Variants in SLC16A7 observed in about 807,000 individuals in gnomAD.
SLC16A7 encodes the protein solute carrier family 16 member 7.
Under a neutral mutation model 34.9 loss-of-function variants are expected in SLC16A7, and 33 were observed. That is an observed-to-expected ratio of 0.94 (90% CI 0.72 to 1.26). SLC16A7 has a LOEUF of 1.26. SLC16A7 is among the 50% of genes most tolerant of loss of function. The probability of loss-of-function intolerance (pLI) is 0.00; values close to 1 mark genes in which losing one functional copy is unlikely to be tolerated. For synonymous variants in SLC16A7, 201 were observed against 206.6 expected (o/e 0.97, Z 0.23); for missense variants, 573 against 578.1 (o/e 0.99, Z 0.09).
At chr12:59,739,613 C>T (rs1251122363) in intron 3 of SLC16A7, among the ~76,000 whole-genome samples, 4 of 149,784 alleles carry the variant, frequency 2.7e-5, no homozygotes, top group South Asian at 2.2e-4. Flanking sequence ...CCTGAGGAAT[C>T]GCCACACTGT....
chr12:59,688,409 G>A (rs994032736), intron 2 of SLC16A7, among the ~76,000 whole-genome samples: 29 of 152,152 alleles, frequency 1.9e-4, no homozygotes, highest in African/African-American at 6.7e-4. Flanking sequence ...AGAGTGAGAC[G>A]AATACTGCGG....
rs1356250482 is a variant in SLC16A7 at position 59,720,504 on chromosome 12, T to C, written c.217+15486T>C. Among the ~76,000 whole-genome samples, 4 of 152,114 alleles carry C rather than the reference T, an allele frequency of 2.6e-5. No homozygotes were observed. In the East Asian group the frequency reaches 7.7e-4, roughly 29 times the overall value. ...CTCCTTAAGTGTGTTATCCATCCCT[T>C]CTAAATTTTAGTGATTTTTCTACAA... On this transcript the variant is annotated intron_variant, in intron 3 of 5. Coordinates refer to ENST00000547379, the MANE Select transcript of SLC16A7 (RefSeq NM_001270623.2).
intron 1 of SLC16A7, among the ~76,000 whole-genome samples, chr12:59,602,659 A>G (rs1592378645): frequency 6.6e-6 from 1 of 151,120 alleles, no homozygotes; most frequent in Non-Finnish European, 1.5e-5. Flanking sequence ...AATTTTTTGT[A>G]TTTTTAGTAG....
chr12:59,668,854 G>A (rs1013891106), intron 2 of SLC16A7, among the ~76,000 whole-genome samples: 27 of 152,120 alleles, frequency 1.8e-4, no homozygotes, highest in African/African-American at 5.3e-4. Flanking sequence ...GAATCATAGC[G>A]GGTATTCTTG....
rs77855296 is a variant in SLC16A7, at chr12:59,773,267, G to A, written c.362-1390G>A. On this transcript the variant is annotated intron_variant, in intron 4 of 5. Transcript: ENST00000547379. ...CTCACAGGTATGGCTGAGGTATAGCGTTAGAGAACATGCTGTCCTGTTACT... is the reference window on the plus strand; with the variant it reads ...CTCACAGGTATGGCTGAGGTATAGCATTAGAGAACATGCTGTCCTGTTACT... 1.3e-3 allele frequency among the ~76,000 whole-genome samples: 196 copies of A among 152,186 alleles called. 2 individuals carry two copies. The highest frequency in any genetic ancestry group is 2.1e-3 in the Admixed American group (32 of 15,260).
At chr12:59,726,488 T>C (rs992965400) in intron 3 of SLC16A7, among the ~76,000 whole-genome samples, 4 of 152,128 alleles carry the variant, frequency 2.6e-5, no homozygotes, top group Admixed American at 2.0e-4. Context: ...TCAGGTACTA[T>C]GACAGACAGC....
rs577006065 is a variant in SLC16A7 at position 59,784,384 on chromosome 12, A to T, written c.*4705A>T. 6.6e-6 allele frequency: 1 copy of T among 152,256 alleles called. No individual in the cohort carries two copies. Among genetic ancestry groups the T allele is most frequent in the East Asian group, 1.9e-4 (1 of 5,180 alleles). The allele number at this position is 152,256 out of a possible 1,614,324, so 9.4% of individuals were successfully genotyped here. On this transcript the variant is annotated 3_prime_UTR_variant, in exon 6 of 6. Transcript: ENST00000547379. ...GAGAATCTGTCTCTATTAAAAAAAA[A>T]ATAAAATGTTCTTACTAGAAAACAT...
rs1249436061 is a variant in SLC16A7 at position 59,655,157 on chromosome 12, A to G, written c.-124A>G. The G allele has an allele frequency of 1.3e-5, 2 of 152,022 alleles. No individual in the cohort carries two copies. The highest frequency in any genetic ancestry group is 3.9e-4 in the East Asian group (2 of 5,164). The allele number at this position is 152,022 out of a possible 1,614,324, so 9.4% of individuals were successfully genotyped here. A position where few individuals can be genotyped will look rare whatever the true frequency, so the allele number is the denominator to read the frequency against. ...ATATTCTTTGATTCTTCTAGGAGTC[A>G]ATCTTAAGATGTGATACTTTCCTGT... On this transcript the variant is annotated 5_prime_UTR_variant, in exon 2 of 6. Transcript: ENST00000547379.
rs116035699 is a variant in SLC16A7, at chr12:59,741,562, A to G, written c.218-29657A>G. On this transcript the variant is annotated intron_variant, in intron 3 of 5. Coordinates refer to ENST00000547379, the MANE Select transcript of SLC16A7 (RefSeq NM_001270623.2). ...TTCAGAAGGAAATGAAAAGCAAGTTATCGTAGGGATAGCATGCTAATACAG... is the reference window on the plus strand; with the variant it reads ...TTCAGAAGGAAATGAAAAGCAAGTTGTCGTAGGGATAGCATGCTAATACAG... Among the ~76,000 whole-genome samples the G allele has an allele frequency of 3.2e-3, 490 of 152,270 alleles. 3 individuals are homozygous for G. Among genetic ancestry groups the G allele is most frequent in the African/African-American group, 0.011 (457 of 41,558 alleles).
chr12:59,785,175 A>C lies in SLC16A7; in HGVS notation c.*5496A>C, dbSNP rs1883522251. On this transcript the variant is annotated 3_prime_UTR_variant, in exon 6 of 6. Transcript: ENST00000547379. ...TCAAAATTACAAATTATCTTTGTTG[A>C]TACAATTAAAAATGAGTAATTTTCT... 1 of 152,172 alleles carries C rather than the reference A, an allele frequency of 6.6e-6. No homozygotes were observed. Among genetic ancestry groups the C allele is most frequent in the Admixed American group, 6.5e-5 (1 of 15,282 alleles). The allele number at this position is 152,172 out of a possible 1,614,324, so 9.4% of individuals were successfully genotyped here. A position where few individuals can be genotyped will look rare whatever the true frequency, so the allele number is the denominator to read the frequency against.
In SLC16A7 at chr12:59,788,079, C is replaced by A. The variant is rs1272569484; in HGVS notation, c.*8400C>A. The A allele has an allele frequency of 6.6e-6, 1 of 151,544 alleles. No individual in the cohort carries two copies. Among genetic ancestry groups the A allele is most frequent in the Non-Finnish European group, 1.5e-5 (1 of 67,990 alleles). 9.4% of individuals were successfully genotyped at this position (151,544 alleles called of 1,614,324 possible). A position where few individuals can be genotyped will look rare whatever the true frequency, so the allele number is the denominator to read the frequency against. On this transcript the variant is annotated 3_prime_UTR_variant, in exon 6 of 6. Coordinates refer to ENST00000547379, the MANE Select transcript of SLC16A7 (RefSeq NM_001270623.2). ...TTATTTCCTAGAATGAATAATTCTC[C>A]TTTTTTGATAGATTTTTGAAATTGT...
intron 2 of SLC16A7, among the ~76,000 whole-genome samples, chr12:59,683,700 G>T (rs746025039): frequency 6.6e-6 from 1 of 151,978 alleles, no homozygotes; most frequent in Non-Finnish European, 1.5e-5. Context: ...TAGAGAATTG[G>T]AACACACCTT....
At chr12:59,631,540 A>G (rs1047877743) in intron 1 of SLC16A7, among the ~76,000 whole-genome samples, 8 of 151,936 alleles carry the variant, frequency 5.3e-5, no homozygotes, top group Non-Finnish European at 1.2e-4. Flanking sequence ...GGTTTTGTAA[A>G]TTTTTATTTC....
chr12:59,763,447 G>T (rs1881227545), intron 3 of SLC16A7, among the ~76,000 whole-genome samples: 2 of 152,028 alleles, frequency 1.3e-5, no homozygotes, highest in South Asian at 4.1e-4. Flanking sequence ...TCAATATTGT[G>T]AAGAGCAGAA....
rs1882657397 is a variant in SLC16A7, at chr12:59,775,381, C to T, written c.1086C>T (p.Leu362=). 1 of 1,614,114 alleles carries T rather than the reference C, an allele frequency of 6.2e-7. No homozygotes were observed. The highest frequency in any genetic ancestry group is 8.5e-7 in the Non-Finnish European group (1 of 1,179,976). The change falls in exon 5 of 6, where the codon CTC becomes CTT. Residue 362 remains leucine (L), a synonymous_variant. Coordinates refer to ENST00000547379, the MANE Select transcript of SLC16A7 (RefSeq NM_001270623.2). ...TTAGCAGTGTTCTCTTTGAAACTCT[C>T]ATGGACCTCGTGGGTGCACCAAGAT... ...GSVSSVLFET[L]MDLVGAPRFS... is the part of the protein sequence containing the mutation.
intron 2 of SLC16A7, among the ~76,000 whole-genome samples, chr12:59,683,591 T>C (rs1870916645): frequency 6.6e-6 from 1 of 152,168 alleles, no homozygotes; most frequent in Non-Finnish European, 1.5e-5. Flanking sequence ...ATGTACAAAC[T>C]CAAAAATGTA....
intron 2 of SLC16A7, among the ~76,000 whole-genome samples, chr12:59,665,666 A>T (rs1869133706): frequency 1.3e-5 from 2 of 152,084 alleles, no homozygotes; most frequent in Non-Finnish European, 2.9e-5. Flanking sequence ...TTTACAGAGT[A>T]ATCATTTTTC....
chr12:59,618,331 A>G (rs903202784), intron 1 of SLC16A7, among the ~76,000 whole-genome samples: 6 of 151,954 alleles, frequency 3.9e-5, no homozygotes, highest in Non-Finnish European at 7.4e-5. Flanking sequence ...TACTATTATA[A>G]ATGTAATACT....
chr12:59,702,980 A>T (rs1037922899), intron 2 of SLC16A7, among the ~76,000 whole-genome samples: 17 of 152,234 alleles, frequency 1.1e-4, no homozygotes, highest in African/African-American at 3.8e-4. Flanking sequence ...AAAATACCTT[A>T]AAAGGCTTTT....
Sources: allele counts gnomAD v4.1 joint callset (sites outside exome capture counted in the v4.1 genomes callset), GRCh38; gene constraint gnomAD v4.1.1; transcripts MANE v1.5; gene names NCBI Gene and HGNC (gene_info 2026-07-23, HGNC 2026-07-21).